The following COL25A1 variants were observed in gnomAD, a reference collection of about 807,000 sequenced individuals.
The protein encoded by COL25A1 is collagen type XXV alpha 1 chain, also known as collagen alpha-1(XXV) chain.
A neutral mutation model predicts 128.4 loss-of-function variants in COL25A1; 103 were observed. The ratio of observed to expected loss-of-function variants is 0.80; its 90% CI spans 0.68 to 0.94. The LOEUF is 0.94. Ranked by LOEUF, COL25A1 falls within the 40% of genes least tolerant of loss-of-function variation. The probability of loss-of-function intolerance (pLI) is 0.00; values close to 1 mark genes in which losing one functional copy is unlikely to be tolerated. For missense variants in COL25A1, 745 were observed against 840.0 expected, an observed-to-expected ratio of 0.89 and a Z score of 1.40; for synonymous variants, 279 against 277.2, an observed-to-expected ratio of 1.01 and a Z score of -0.06.
intron 10 of COL25A1, among the ~76,000 whole-genome samples, chr4:108,938,784 G>A (rs1377483110): frequency 6.6e-6 from 1 of 152,106 alleles, no homozygotes; most frequent in Admixed American, 6.5e-5. Flanking sequence ...GTGAACCCGG[G>A]AGGCAGAGGT....
At chr4:108,847,592 G>GA (rs553027639) in intron 27 of COL25A1, among the ~76,000 whole-genome samples, 42 of 142,346 alleles carry the variant, frequency 3.0e-4, no homozygotes, top group East Asian at 1.6e-3. Flanking sequence ...GCCTACAGAA[G>GA]AAAAAAAAAA....
intron 3 of COL25A1, among the ~76,000 whole-genome samples, chr4:109,076,125 T>G (rs1284693698): frequency 4.6e-5 from 7 of 152,208 alleles, no homozygotes; most frequent in Admixed American, 3.9e-4. Flanking sequence ...ATGCAAATAT[T>G]ACTCCATTTT....
chr4:109,134,104 AC>A (rs1035028056), intron 3 of COL25A1, among the ~76,000 whole-genome samples: 2 of 152,142 alleles, frequency 1.3e-5, no homozygotes, highest in Non-Finnish European at 2.9e-5. Flanking sequence ...GAGAAAAAAA[AC>A]GGTGTGTTCA....
At chr4:109,190,045 T>G (rs768393878) in intron 3 of COL25A1, among the ~76,000 whole-genome samples, 10 of 152,198 alleles carry the variant, frequency 6.6e-5, no homozygotes, top group Non-Finnish European at 1.5e-4. Context: ...GTAAAATATA[T>G]GTTTAAGAAA....
At chr4:109,194,697 GTTATAATCTCGTGGTAGA>G (rs1299836275) in intron 3 of COL25A1, among the ~76,000 whole-genome samples, 3 of 152,114 alleles carry the variant, frequency 2.0e-5, no homozygotes, top group African/African-American at 7.2e-5. Context: ...ATGAAAATAA[GTTATAATCTCGTGGTAGA>G]TTGTATTAAT....
chr4:109,045,727 C>T (rs558056150), intron 5 of COL25A1, among the ~76,000 whole-genome samples: 80 of 151,982 alleles, frequency 5.3e-4, no homozygotes, highest in Non-Finnish European at 9.4e-4. Context: ...CTCTTTTGTA[C>T]AATCAATGTT....
At chr4:109,046,895 A>T (rs1310400720) in intron 5 of COL25A1, among the ~76,000 whole-genome samples, 3 of 152,236 alleles carry the variant, frequency 2.0e-5, no homozygotes. Flanking sequence ...CCGTAAATGC[A>T]CACTGCACAG....
rs1346350432 is a variant in COL25A1 at position 108,940,460 on chromosome 4, C to T, written c.672+79G>A. On this transcript the variant is annotated intron_variant, in intron 10 of 37. Transcript: ENST00000399132. ...TGACCCCCTGACCTGATGCCCCTCACCACCCTACTCCACCCTAGTTCTCAG... is the reference window on the plus strand; with the variant it reads ...TGACCCCCTGACCTGATGCCCCTCATCACCCTACTCCACCCTAGTTCTCAG... 3 of 1,205,518 alleles carry T rather than the reference C, an allele frequency of 2.5e-6. No homozygotes were observed. In the Admixed American group the frequency reaches 5.0e-5, roughly 20 times the overall value. The allele number at this position is 1,205,518 out of a possible 1,614,324, so 74.7% of individuals were successfully genotyped here.
At chr4:108,844,202 G>GT (rs1444023526) in intron 30 of COL25A1, among the ~76,000 whole-genome samples, 2 of 152,172 alleles carry the variant, frequency 1.3e-5, no homozygotes, top group Non-Finnish European at 2.9e-5. Flanking sequence ...TATTCTGCTG[G>GT]TATCAGGTTA....
chr4:109,222,844 A>G (rs1038246219), intron 3 of COL25A1, among the ~76,000 whole-genome samples: 3 of 152,208 alleles, frequency 2.0e-5, no homozygotes, highest in Non-Finnish European at 2.9e-5. Flanking sequence ...AATCCAACTT[A>G]TTGTTTAAAT....
intron 3 of COL25A1, among the ~76,000 whole-genome samples, chr4:109,276,574 G>A (rs1722872452): frequency 6.6e-6 from 1 of 152,108 alleles, no homozygotes; most frequent in Non-Finnish European, 1.5e-5. Flanking sequence ...CCTTGAAGAA[G>A]CCTTAGCAGG....
chr4:109,072,316 C>G (rs80136807), intron 3 of COL25A1, among the ~76,000 whole-genome samples: 2,463 of 152,228 alleles, frequency 0.016, 53 homozygotes, highest in East Asian at 0.078. Context: ...ATTTAACTCA[C>G]GTTTTCTTCC....
chr4:108,904,071 T>C (rs945470332), intron 13 of COL25A1, among the ~76,000 whole-genome samples: 6 of 152,082 alleles, frequency 3.9e-5, no homozygotes, highest in African/African-American at 1.4e-4. Flanking sequence ...ATTCTGTTAC[T>C]GTCCACACTT....
intron 3 of COL25A1, among the ~76,000 whole-genome samples, chr4:109,210,200 T>C (rs897108416): frequency 2.0e-5 from 3 of 151,736 alleles, no homozygotes; most frequent in Non-Finnish European, 4.4e-5. Context: ...CACTAAGAGG[T>C]AAAAGGCTCC....
intron 13 of COL25A1, among the ~76,000 whole-genome samples, chr4:108,913,206 A>G (rs1163616476): frequency 6.8e-6 from 1 of 147,404 alleles, no homozygotes; most frequent in Admixed American, 6.8e-5. Context: ...AGAGACAAGG[A>G]TGTGAATTAA....
intron 26 of COL25A1, among the ~76,000 whole-genome samples, chr4:108,850,516 G>A (rs1735644530): frequency 1.3e-5 from 2 of 152,114 alleles, no homozygotes; most frequent in Non-Finnish European, 2.9e-5. Flanking sequence ...GCAAGGGTAG[G>A]AGGTAAGCGA....
chr4:108,815,976 C>T (rs1453239283), intron 37 of COL25A1, among the ~76,000 whole-genome samples: 2 of 152,072 alleles, frequency 1.3e-5, no homozygotes, highest in African/African-American at 2.4e-5. Flanking sequence ...AATCATTATA[C>T]TATTAGATTA....
At chr4:109,035,698 A>G (rs1198552267) in intron 5 of COL25A1, among the ~76,000 whole-genome samples, 1 of 151,856 alleles carries the variant, frequency 6.6e-6, no homozygotes, top group Non-Finnish European at 1.5e-5. Context: ...GGTTTTCATT[A>G]AAATCTACAC....
At chr4:109,227,006 T>G (rs1043664416) in intron 3 of COL25A1, among the ~76,000 whole-genome samples, 4 of 152,268 alleles carry the variant, frequency 2.6e-5, no homozygotes, top group South Asian at 4.1e-4. Flanking sequence ...GCTATATAAC[T>G]GCAGTTATCT....
Sources: gnomAD v4.1 joint callset for allele counts (sites outside exome capture counted in the v4.1 genomes callset) on GRCh38, gnomAD v4.1.1 for gene constraint, MANE v1.5 for transcripts, NCBI Gene and HGNC (gene_info 2026-07-23, HGNC 2026-07-21) for gene names.